The following RFC4 variants were observed in gnomAD, a reference collection of about 807,000 sequenced individuals.
The protein encoded by RFC4 is A1 37 kDa subunit.
A neutral mutation model predicts 47.6 loss-of-function variants in RFC4; 38 were observed. That is an observed-to-expected ratio of 0.80 (90% CI 0.62 to 1.05). The LOEUF (loss-of-function observed/expected upper bound fraction) is 1.05. Among genes scored for constraint, RFC4 ranks in the 50% least tolerant of loss-of-function variants. The pLI, the probability that RFC4 is intolerant of heterozygous loss-of-function variation, is 0.00. For synonymous variants in RFC4, 164 were observed against 150.0 expected (o/e 1.09, Z -0.68); for missense variants, 489 against 434.0 (o/e 1.13, Z -1.13).
intron 2 of RFC4, 64 bp downstream of exon 2, chr3:186,804,518 AG>A: frequency 7.2e-7 from 1 of 1,383,560 alleles, no homozygotes; most frequent in Non-Finnish European, 9.9e-7. Context: ...AAAAAAAAAA[AG>A]TGATCAGTAC....
intron 3 of RFC4, among the ~76,000 whole-genome samples, chr3:186,799,878 C>A (rs777101049): frequency 1.3e-5 from 2 of 151,784 alleles, no homozygotes; most frequent in Non-Finnish European, 2.9e-5. Context: ...GCAGAATATA[C>A]CAAAAAATAA....
intron 7 of RFC4, among the ~76,000 whole-genome samples, chr3:186,792,181 G>C (rs1297134142): frequency 6.6e-6 from 1 of 152,172 alleles, no homozygotes; most frequent in East Asian, 1.9e-4. Flanking sequence ...GGGAAGTACT[G>C]AAGTATTAGC....
At chr3:186,804,090 G>A (rs1256138350) in intron 2 of RFC4, among the ~76,000 whole-genome samples, 1 of 152,062 alleles carries the variant, frequency 6.6e-6, no homozygotes, top group Non-Finnish European at 1.5e-5. Flanking sequence ...GGCTGAGGCA[G>A]GATAATCACC....
rs200482426 is a variant in RFC4, at chr3:186,790,424, C to T, written c.802-18G>A. 74 of 1,572,866 alleles carry T rather than the reference C, an allele frequency of 4.7e-5. No homozygotes were observed. The highest frequency in any genetic ancestry group is 6.7e-5 in the East Asian group (3 of 44,680). ...GGTATTACCTAGGTAATTGAATGTT[C>T]GGTATTAAAGATGTTTCTAGGTGAG... On this transcript the variant is annotated intron_variant, in intron 8 of 10. Coordinates refer to ENST00000296273, the MANE Select transcript of RFC4 (RefSeq NM_002916.5).
intron 3 of RFC4, among the ~76,000 whole-genome samples, chr3:186,799,029 G>A (rs1248893068): frequency 6.6e-6 from 1 of 152,286 alleles, no homozygotes; most frequent in Non-Finnish European, 1.5e-5. Context: ...AACAAACTAT[G>A]AGATTCATAA....
At chr3:186,794,136 C>T (rs554140013) in intron 5 of RFC4, among the ~76,000 whole-genome samples, 2 of 152,298 alleles carry the variant, frequency 1.3e-5, no homozygotes, top group East Asian at 1.9e-4. Flanking sequence ...TTTTCTCCCA[C>T]GTTGCGGGTT....
intron 4 of RFC4, among the ~76,000 whole-genome samples, chr3:186,795,353 A>G (rs1296318751): frequency 1.3e-5 from 2 of 152,248 alleles, no homozygotes; most frequent in Admixed American, 6.5e-5. Flanking sequence ...TTGGCATATT[A>G]TCAAAACCAC....
chr3:186,806,103 C>G (rs1344854759), intron 1 of RFC4, among the ~76,000 whole-genome samples, 187 bp downstream of exon 1: 3 of 152,218 alleles, frequency 2.0e-5, no homozygotes, highest in East Asian at 1.9e-4. Context: ...GGCTGTTAAA[C>G]ATTAATACAG....
Position 186,794,763 on chromosome 3 carries a change from C to T in RFC4, c.305G>A (p.Arg102Gln), listed in dbSNP as rs777641769. 19 of 1,613,734 alleles carry T rather than the reference C, an allele frequency of 1.2e-5. No homozygotes were observed. Among genetic ancestry groups the T allele is most frequent in the South Asian group, 3.3e-5 (3 of 91,008 alleles). The stretch of plus-strand genomic sequence containing the variant: ...TGCATTTAACTCAAGAACTCTTAAT[C>T]GGAAAAGTTCAGGCCTATCTCAAAA... ...ARELFGPELF[R>Q]LRVLELNASD... The change falls in exon 5 of 11, where the codon CGA becomes CAA. Residue 102 changes from arginine to glutamine, a missense_variant. Physicochemically the swap from Arg to Gln is conservative, Grantham distance 43. Coordinates refer to ENST00000296273, the MANE Select transcript of RFC4 (RefSeq NM_002916.5).
chr3:186,794,339 C>T (rs1011457594), intron 5 of RFC4, among the ~76,000 whole-genome samples: 1 of 152,180 alleles, frequency 6.6e-6, no homozygotes, highest in Admixed American at 6.5e-5. Flanking sequence ...GGTGCTATAG[C>T]GGTTGTGACT....
Position 186,792,553 on chromosome 3 carries a change from A to G in RFC4, c.612T>C (p.Asp204=). The G allele has an allele frequency of 1.2e-6, 2 of 1,613,838 alleles. No homozygotes were observed. Among genetic ancestry groups the G allele is most frequent in the Non-Finnish European group, 1.7e-6 (2 of 1,179,754 alleles). Residue 204 remains aspartate, a synonymous_variant, in exon 7 of 11, where the codon GAT becomes GAC. Transcript: ENST00000296273. ...CSKFRFKPLS[D]KIQQQRLLDI... is the part of the protein sequence containing the mutation. The stretch of plus-strand genomic sequence containing the variant: ...CTAGTAATCGCTGCTGTTGAATTTT[A>G]TCTGACAGAGGCTTGAAGCGGAATT...
chr3:186,804,945 G>T, intron 1 of RFC4: 1 of 392,280 alleles, frequency 2.5e-6, no homozygotes, highest in East Asian at 3.7e-5. Flanking sequence ...CAGAAAAGTG[G>T]TCAAAGTCCC....
rs1579178537 is a variant in RFC4, at chr3:186,793,837, C to T, written c.410+821G>A. Among the ~76,000 whole-genome samples, 1 of 152,078 alleles carries T rather than the reference C, an allele frequency of 6.6e-6. No individual in the cohort carries two copies. Among genetic ancestry groups the T allele is most frequent in the Non-Finnish European group, 1.5e-5 (1 of 68,022 alleles). On this transcript the variant is annotated intron_variant, in intron 5 of 10. Coordinates refer to ENST00000296273, the MANE Select transcript of RFC4 (RefSeq NM_002916.5). The surrounding 1 kb of genome is among the most constrained non-coding windows in gnomAD (Gnocchi z 4.2). ...TCCTGGGTTCACGCCATACTCCTGC[C>T]TCAGCCTCCCGAGTAGCTGGGACTA... is the stretch of plus-strand genomic sequence containing the variant.
chr3:186,794,549 C>T (rs1722205025), intron 5 of RFC4, 109 bp downstream of exon 5: 2 of 1,109,290 alleles, frequency 1.8e-6, no homozygotes, highest in East Asian at 4.8e-5. Flanking sequence ...GAAAAGTTGA[C>T]AATTTGGCAG....
chr3:186,802,164 T>G (rs1386663911), intron 2 of RFC4, among the ~76,000 whole-genome samples: 1 of 151,850 alleles, frequency 6.6e-6, no homozygotes, highest in Non-Finnish European at 1.5e-5. Flanking sequence ...ACCAGCCTGG[T>G]CAACATGGTG....
At position 186,804,890 on chromosome 3, in the gene RFC4, A is replaced by G. The variant is rs3917098; in HGVS notation, c.-11-166T>C. 2.3e-3 allele frequency: 1,453 copies of G among 619,200 alleles called. 42 individuals are homozygous for G. In the South Asian group the frequency reaches 0.03, roughly 13 times the overall value. 38.4% of individuals were successfully genotyped at this position (619,200 alleles called of 1,614,324 possible). ...GTTACATAATAAAGGACATCACCCC[A>G]TGACCTAGGACACTCTGAATGCACT... is the stretch of plus-strand genomic sequence containing the variant. On this transcript the variant is annotated intron_variant, in intron 1 of 10. Transcript: ENST00000296273.
chr3:186,802,138 A>T (rs1320116982), intron 2 of RFC4, among the ~76,000 whole-genome samples: 1 of 151,910 alleles, frequency 6.6e-6, no homozygotes, highest in Non-Finnish European at 1.5e-5. Context: ...AGATCACCTG[A>T]GATCAGGAGT....
intron 2 of RFC4, among the ~76,000 whole-genome samples, chr3:186,802,731 A>ATT (rs568972708): frequency 7.4e-5 from 11 of 148,536 alleles, no homozygotes; most frequent in African/African-American, 2.7e-4. Flanking sequence ...AGGAATTATG[A>ATT]TTTTTTTTTT....
intron 3 of RFC4, among the ~76,000 whole-genome samples, chr3:186,799,110 A>C (rs1722301105): frequency 6.6e-6 from 1 of 152,226 alleles, no homozygotes; most frequent in Non-Finnish European, 1.5e-5. Flanking sequence ...ATCCCTTAAC[A>C]ATGTAACGAT....
Sources: allele counts gnomAD v4.1 joint callset (sites outside exome capture counted in the v4.1 genomes callset), GRCh38; gene constraint gnomAD v4.1.1; non-coding constraint Gnocchi (gnomAD v3.1); transcripts MANE v1.5; gene names NCBI Gene and HGNC (gene_info 2026-07-23, HGNC 2026-07-21).